Variants in UCHL1 observed in about 807,000 individuals in gnomAD.
UCHL1 encodes ubiquitin C-terminal hydrolase L1.
Under a neutral mutation model 33.3 loss-of-function variants are expected in UCHL1, and 5 were observed. That is an observed-to-expected ratio of 0.15 (90% CI 0.08 to 0.32). The LOEUF (loss-of-function observed/expected upper bound fraction) is 0.32, where lower values mean the gene tolerates loss of function less well. Among genes scored for constraint, UCHL1 ranks in the 10% least tolerant of loss-of-function variants. UCHL1 has a pLI of 1.00. For synonymous variants in UCHL1, 132 were observed against 108.8 expected (o/e 1.21, Z -1.33); for missense variants, 236 against 280.0 (o/e 0.84, Z 1.12).
rs1554005212 is a variant in UCHL1, at chr4:41,266,226, C to CGTTTT, written c.586-1761_586-1760insGTTTT. On this transcript the variant is annotated intron_variant, in intron 8 of 8. Transcript: ENST00000284440. ...CGTGAGCCACAGTACCTGGCTAAAA[C>CGTTTT]TTTTTTTTTTTTTTTTTTTTTAACT... is the stretch of plus-strand genomic sequence containing the variant. 1.6e-4 allele frequency among the ~76,000 whole-genome samples: 22 copies of CGTTTT among 136,760 alleles called. 1 individual carries two copies. Among genetic ancestry groups the CGTTTT allele is most frequent in the South Asian group, 2.3e-4 (1 of 4,312 alleles). The allele number at this position is 136,760 out of a possible 152,430, so 89.7% of individuals were successfully genotyped here. A position where few individuals can be genotyped will look rare whatever the true frequency, so the allele number is the denominator to read the frequency against.
chr4:41,264,359 A>G lies in UCHL1; in HGVS notation c.585+198A>G, dbSNP rs1781121532. On this transcript the variant is annotated intron_variant, in intron 8 of 8. Coordinates refer to ENST00000284440, the MANE Select transcript of UCHL1 (RefSeq NM_004181.5). ...AGTGGTTTTAAACAGGGCTTCAGAG[A>G]CACCCTGAGTAATCTGTTTCATGTG... 9 of 660,220 alleles carry G rather than the reference A, an allele frequency of 1.4e-5. No individual in the cohort carries two copies. In the East Asian group the frequency reaches 2.5e-4, roughly 18 times the overall value. The allele number at this position is 660,220 out of a possible 1,614,324, so 40.9% of individuals were successfully genotyped here.
chr4:41,258,344 C>T (rs1348860505), intron 3 of UCHL1, among the ~76,000 whole-genome samples: 2 of 152,162 alleles, frequency 1.3e-5, no homozygotes, highest in South Asian at 2.1e-4. Flanking sequence ...TGTGTGGGAA[C>T]CTCCTTCCTC....
chr4:41,260,754 A>C lies in UCHL1; in HGVS notation c.282A>C (p.Gly94=). 6.2e-7 allele frequency: 1 copy of C among 1,614,186 alleles called. No homozygotes were observed. The highest frequency in any genetic ancestry group is 1.1e-5 in the South Asian group (1 of 91,088). Residue 94 remains glycine (G), a synonymous_variant, in exon 4 of 9, where the codon GGA becomes GGC. Coordinates refer to ENST00000284440, the MANE Select transcript of UCHL1 (RefSeq NM_004181.5). ...TTGGGAATTCCTGTGGCACAATCGG[A>C]CTTATTCACGCAGTGGCCAATAATC... The part of the protein sequence containing the change: ...QTIGNSCGTI[G]LIHAVANNQD...
Position 41,261,810 on chromosome 4 carries a change from C to CT in UCHL1, c.411+12dup, listed in dbSNP as rs1168760989. The CT allele has an allele frequency of 2.0e-5, 32 of 1,614,122 alleles. No homozygotes were observed. Among genetic ancestry groups the CT allele is most frequent in the Non-Finnish European group, 2.5e-5 (30 of 1,180,020 alleles). On this transcript the variant is annotated intron_variant, in intron 5 of 8. Coordinates refer to ENST00000284440, the MANE Select transcript of UCHL1 (RefSeq NM_004181.5). ...CTTTGAAAAGAATGAGGTAAGAGAACTTACAGAGCATGGCCTTTAAATAAC... is the reference window on the plus strand; with the variant it reads ...CTTTGAAAAGAATGAGGTAAGAGAACTTTACAGAGCATGGCCTTTAAATAAC...
chr4:41,260,220 A>G (rs969627276), intron 3 of UCHL1, among the ~76,000 whole-genome samples: 2 of 152,224 alleles, frequency 1.3e-5, no homozygotes, highest in Non-Finnish European at 2.9e-5. Context: ...TGAAATGTAA[A>G]CCAGCTGGTG....
chr4:41,261,219 TTG>T (rs1781063639), intron 4 of UCHL1, among the ~76,000 whole-genome samples: 1 of 152,204 alleles, frequency 6.6e-6, no homozygotes, highest in Non-Finnish European at 1.5e-5. Context: ...ATTACTAAAG[TTG>T]AATTTTCTAC....
Position 41,260,802 on chromosome 4 carries a change from G to A in UCHL1, c.325+5G>A. Reference sequence around the variant, plus strand: ...ATCAAGACAAACTGGGATTTGGTAGGTGTGGGTTTTGAGGCCAGCCATCCT... The same window carrying A: ...ATCAAGACAAACTGGGATTTGGTAGATGTGGGTTTTGAGGCCAGCCATCCT... On this transcript the variant is annotated splice_donor_5th_base_variant and intron_variant, in intron 4 of 8. Transcript: ENST00000284440. The A allele has an allele frequency of 6.2e-7, 1 of 1,614,128 alleles. No individual in the cohort carries two copies. Among genetic ancestry groups the A allele is most frequent in the Non-Finnish European group, 8.5e-7 (1 of 1,180,014 alleles).
intron 8 of UCHL1, among the ~76,000 whole-genome samples, chr4:41,267,016 A>G (rs541406636): frequency 1.1e-4 from 16 of 152,300 alleles, no homozygotes; most frequent in African/African-American, 3.1e-4. Flanking sequence ...TTACAGAGCT[A>G]TCTTTCCACT....
At position 41,258,113 on chromosome 4, in the gene UCHL1, T is replaced by A. The variant is rs182225828; in HGVS notation, c.174+376T>A. Among the ~76,000 whole-genome samples the A allele has an allele frequency of 2.0e-4, 30 of 152,266 alleles. No homozygotes were observed. The East Asian group carries it at 5.8e-3, about 29-fold the overall frequency. On this transcript the variant is annotated intron_variant, in intron 3 of 8. Coordinates refer to ENST00000284440, the MANE Select transcript of UCHL1 (RefSeq NM_004181.5). ...TTAAGGGCTATAACCTGTCAACTCA[T>A]TGTTTGCTTCTCAGACTCCCACCTA...
intron 3 of UCHL1, among the ~76,000 whole-genome samples, chr4:41,260,068 C>A (rs939144512): frequency 6.6e-6 from 1 of 152,228 alleles, no homozygotes; most frequent in South Asian, 2.1e-4. Flanking sequence ...GCCCAATACC[C>A]TGGATCAGTT....
At chr4:41,264,354 C>CAG in intron 8 of UCHL1, 193 bp downstream of exon 8, 1 of 673,918 alleles carries the variant, frequency 1.5e-6, no homozygotes. Flanking sequence ...AACAGGGCTT[C>CAG]AGAGACACCC....
Position 41,261,935 on chromosome 4 carries a change from T to C in UCHL1, c.459+12T>C. ...AAGGCCAATGTCGGGTAAATGCAAA[T>C]ACAAATCGGAGCCAGGCTGCCTGGG... On this transcript the variant is annotated intron_variant, in intron 6 of 8. Coordinates refer to ENST00000284440, the MANE Select transcript of UCHL1 (RefSeq NM_004181.5). 1 of 1,613,930 alleles carries C rather than the reference T, an allele frequency of 6.2e-7. No homozygotes were observed. The highest frequency in any genetic ancestry group is 8.5e-7 in the Non-Finnish European group (1 of 1,179,992).
intron 4 of UCHL1, 27 bp from the exon 5 acceptor site, chr4:41,261,688 T>C (rs907106072): frequency 1.2e-6 from 2 of 1,601,150 alleles, no homozygotes; most frequent in South Asian, 2.2e-5. Context: ...ATTTTACCTA[T>C]ACTAACACAT....
chr4:41,261,983 A>T, intron 6 of UCHL1, 60 bp downstream of exon 6: 1 of 1,597,372 alleles, frequency 6.3e-7, no homozygotes, highest in Non-Finnish European at 8.5e-7. Flanking sequence ...TTCTACTGAA[A>T]TTGTGCAGGA....
At chr4:41,263,972 C>A (rs3756001) in intron 7 of UCHL1, 131 bp from the exon 8 acceptor site, 3 of 1,171,988 alleles carry the variant, frequency 2.6e-6, no homozygotes, top group Non-Finnish European at 3.8e-6. Flanking sequence ...CCTCTTGCTT[C>A]ATAACCAGGC....
rs758047620 is a variant in UCHL1, at chr4:41,257,697, C to T, written c.134C>T (p.Pro45Leu). ...GAGTCTCTGGGCTCGGTGCCAGCGC[C>T]TGCCTGCGCGCTGCTGCTGCTGTTT... is the stretch of plus-strand genomic sequence containing the variant. Reference protein sequence around the residue: ...EEESLGSVPAPACALLLLFPL... With the variant: ...EEESLGSVPALACALLLLFPL... Residue 45 changes from proline (P) to leucine (L), a missense_variant, in exon 3 of 9, where the codon CCT becomes CTT. Transcript: ENST00000284440. The T allele has an allele frequency of 3.2e-6, 5 of 1,579,836 alleles. No homozygotes were observed. The highest frequency in any genetic ancestry group is 4.6e-5 in the East Asian group (2 of 43,100).
At position 41,260,629 on chromosome 4, in the gene UCHL1, C is replaced by A. The variant is rs79021365; in HGVS notation, c.175-18C>A. 36 of 1,613,944 alleles carry A rather than the reference C, an allele frequency of 2.2e-5. No homozygotes were observed. The highest frequency in any genetic ancestry group is 2.8e-5 in the Non-Finnish European group (33 of 1,179,960). ...GCACTTTCATTCTGAGATGTAAAAACGCTTTTTACATTCGCAGCATGAGAA... is the reference window on the plus strand; with the variant it reads ...GCACTTTCATTCTGAGATGTAAAAAAGCTTTTTACATTCGCAGCATGAGAA... On this transcript the variant is annotated intron_variant, in intron 3 of 8. Coordinates refer to ENST00000284440, the MANE Select transcript of UCHL1 (RefSeq NM_004181.5).
intron 8 of UCHL1, chr4:41,264,492 C>CA: frequency 5.0e-6 from 2 of 400,298 alleles, no homozygotes. Flanking sequence ...GCTAAAGACT[C>CA]ACAAAACAGC....
At position 41,268,078 on chromosome 4, in the gene UCHL1, CTG is replaced by C. The variant is rs1449806719; in HGVS notation, c.*8_*9del. On this transcript the variant is annotated 3_prime_UTR_variant, in exon 9 of 9. Coordinates refer to ENST00000284440, the MANE Select transcript of UCHL1 (RefSeq NM_004181.5). ...GCTCTCTGCAAGGCAGCCTAATGCT[CTG>C]TGGGAGGGACTTTGCTGATTTCCCC... 1 of 1,612,436 alleles carries C rather than the reference CTG, an allele frequency of 6.2e-7. No homozygotes were observed. The highest frequency in any genetic ancestry group is 2.2e-5 in the East Asian group (1 of 44,876).
Sources: gnomAD v4.1 joint callset for allele counts (sites outside exome capture counted in the v4.1 genomes callset) on GRCh38, gnomAD v4.1.1 for gene constraint, MANE v1.5 for transcripts, NCBI Gene and HGNC (gene_info 2026-07-23, HGNC 2026-07-21) for gene names.